The following DNAH1 variants were observed in gnomAD, a reference collection of about 807,000 sequenced individuals.
DNAH1 encodes the protein axonemal beta dynein heavy chain 1.
Under a neutral mutation model 484.3 loss-of-function variants are expected in DNAH1, and 327 were observed. That is an observed-to-expected ratio of 0.68 (90% CI 0.62 to 0.74). The LOEUF (loss-of-function observed/expected upper bound fraction) is 0.74. DNAH1 is among the 30% of genes least tolerant of loss of function. DNAH1 has a pLI of 0.00. For synonymous variants in DNAH1, 2,192 were observed against 2,191.9 expected, an observed-to-expected ratio of 1.00 and a Z score of 0.00; for missense variants, 5,052 against 5,546.8, an observed-to-expected ratio of 0.91 and a Z score of 2.83.
rs761126276 is a variant in DNAH1 at position 52,368,887 on chromosome 3, T to A, written c.5912T>A (p.Leu1971His). 6.2e-7 allele frequency: 1 copy of A among 1,613,986 alleles called. No homozygotes were observed. Among genetic ancestry groups the A allele is most frequent in the Non-Finnish European group, 8.5e-7 (1 of 1,179,886 alleles). Residue 1971 changes from leucine (L) to histidine (H), a missense_variant, in exon 37 of 78, where the codon CTC becomes CAC. By Grantham distance (99) the Leu-to-His change is moderately conservative. Coordinates refer to ENST00000420323, the MANE Select transcript of DNAH1 (RefSeq NM_015512.5). This position sits in a 1 kb window ranked among gnomAD's most constrained non-coding sequence, Gnocchi z 4.4. ...CTGGATGACAACAAGAAGCTGTGCC[T>A]CAGCTCTGGGGAGATCATCAAGCTC... ...TVLDDNKKLC[L>H]SSGEIIKLTE...
chr3:52,375,828 A>G, intron 45 of DNAH1, 127 bp from the exon 46 acceptor site: 1 of 1,097,406 alleles, frequency 9.1e-7, no homozygotes, highest in Non-Finnish European at 1.4e-6. Context: ...AGTGTCTCTG[A>G]GCCTTTATGG....
chr3:52,338,003 A>T (rs1701795445), intron 8 of DNAH1, among the ~76,000 whole-genome samples: 1 of 152,042 alleles, frequency 6.6e-6, no homozygotes, highest in Non-Finnish European at 1.5e-5. Context: ...TATGTTGCCC[A>T]GCCTGGTCTC....
intron 1 of DNAH1, among the ~76,000 whole-genome samples, chr3:52,318,708 A>G (rs1001883457): frequency 5.9e-5 from 9 of 152,194 alleles, no homozygotes; most frequent in African/African-American, 2.2e-4. Context: ...GGTACACTGG[A>G]GGGGAAAGAC....
At chr3:52,373,506 A>G in intron 44 of DNAH1, 5 of 1,460,736 alleles carry the variant, frequency 3.4e-6, no homozygotes, top group Non-Finnish European at 4.7e-6. Context: ...CGTCAGGAAA[A>G]ACAGCCTTGT....
chr3:52,353,728 C>T lies in DNAH1; in HGVS notation c.3480+95C>T. ...CAACCACAGCCACTTGGGAGGATGA[C>T]AGTAATAAGCCCCATCCCTGGGGTC... On this transcript the variant is annotated intron_variant, in intron 20 of 77. Transcript: ENST00000420323. The surrounding 1 kb of genome is among the most constrained non-coding windows in gnomAD (Gnocchi z 5.0). 1 of 1,509,190 alleles carries T rather than the reference C, an allele frequency of 6.6e-7. No homozygotes were observed. The highest frequency in any genetic ancestry group is 8.9e-7 in the Non-Finnish European group (1 of 1,122,778). 93.5% of individuals were successfully genotyped at this position (1,509,190 alleles called of 1,614,324 possible). A position where few individuals can be genotyped will look rare whatever the true frequency, so the allele number is the denominator to read the frequency against.
Position 52,360,346 on chromosome 3 carries a change from C to T in DNAH1, c.4607C>T (p.Ala1536Val). The T allele has an allele frequency of 3.7e-6, 6 of 1,613,994 alleles. No individual in the cohort carries two copies. The highest frequency in any genetic ancestry group is 4.2e-6 in the Non-Finnish European group (5 of 1,179,864). The change falls in exon 28 of 78, where the codon GCT (alanine) becomes GTT (valine). Residue 1536 changes from alanine to valine, a missense_variant. Coordinates refer to ENST00000420323, the MANE Select transcript of DNAH1 (RefSeq NM_015512.5). ...ACAAATAATGACCTGTATATCCGTGCTGTGAATGCTGAGTTCATCTATGGC... is the reference window on the plus strand; with the variant it reads ...ACAAATAATGACCTGTATATCCGTGTTGTGAATGCTGAGTTCATCTATGGC... ...YWTNNDLYIR[A>V]VNAEFIYGYE...
rs755686546 is a variant in DNAH1 at position 52,373,027 on chromosome 3, G to A, written c.6959G>A (p.Gly2320Asp). Residue 2320 changes from glycine to aspartate, a missense_variant, in exon 44 of 78, where the codon GGC (glycine) becomes GAC (aspartate). By Grantham distance (94) the Gly-to-Asp change is moderately conservative. Coordinates refer to ENST00000420323, the MANE Select transcript of DNAH1 (RefSeq NM_015512.5). Reference protein sequence around the residue: ...IELLRQWMDHGGWYDRKIIGA... With the variant: ...IELLRQWMDHDGWYDRKIIGA... ...CTGTTGCGCCAGTGGATGGACCACGGCGGCTGGTACGACCGCAAGATCATT... is the reference window on the plus strand; with the variant it reads ...CTGTTGCGCCAGTGGATGGACCACGACGGCTGGTACGACCGCAAGATCATT... The A allele has an allele frequency of 6.2e-7, 1 of 1,612,920 alleles. No homozygotes were observed.
intron 3 of DNAH1, among the ~76,000 whole-genome samples, chr3:52,324,350 G>A (rs1269566046): frequency 6.6e-6 from 1 of 152,214 alleles, no homozygotes; most frequent in East Asian, 1.9e-4. Flanking sequence ...GAGTCTCAGA[G>A]CACAGCTAGG....
Position 52,383,910 on chromosome 3 carries a change from T to G in DNAH1, c.8201T>G (p.Val2734Gly). ...CGTCTGAGGCAGTTTCCCTCCCTGG[T>G]CAACTGCTGTACCATCGACTGGTTT... ...RARLRQFPSL[V>G]NCCTIDWFNE... Residue 2734 changes from valine (V) to glycine (G), a missense_variant, in exon 52 of 78, where the codon GTC (valine) becomes GGC (glycine). Physicochemically the swap from Val to Gly is moderately radical, Grantham distance 109 (BLOSUM62 -3). This residue lies in a region of DNAH1 where 2,929 missense variants were observed against 3,409.4 expected (regional missense o/e 0.86). Transcript: ENST00000420323. 1 of 1,611,780 alleles carries G rather than the reference T, an allele frequency of 6.2e-7. No individual in the cohort carries two copies. The highest frequency in any genetic ancestry group is 8.5e-7 in the Non-Finnish European group (1 of 1,178,412).
At position 52,383,463 on chromosome 3, in the gene DNAH1, C is replaced by T. The variant is rs759999285; in HGVS notation, c.8019C>T (p.Asp2673=). The part of the protein sequence containing the change: ...SGDIPNLYTA[D]EQDQIVSTMR... ...ACATTCCCAATCTGTATACTGCGGA[C>T]GAGCAGGACCAGATCGTCAGCACCA... The change falls in exon 51 of 78, where the codon GAC becomes GAT. Residue 2673 remains aspartate (D), a synonymous_variant. Transcript: ENST00000420323. The T allele has an allele frequency of 8.7e-6, 14 of 1,613,908 alleles. No homozygotes were observed. Among genetic ancestry groups the T allele is most frequent in the African/African-American group, 4.0e-5 (3 of 74,934 alleles).
intron 8 of DNAH1, among the ~76,000 whole-genome samples, chr3:52,339,106 A>G (rs905711549): frequency 6.6e-6 from 1 of 151,858 alleles, no homozygotes; most frequent in Non-Finnish European, 1.5e-5. Context: ...TTCTTCATCA[A>G]GGATTCCATT....
chr3:52,392,828 A>G lies in DNAH1; in HGVS notation c.10279-2A>G. The G allele has an allele frequency of 4.4e-6, 4 of 909,436 alleles. No individual in the cohort carries two copies. The highest frequency in any genetic ancestry group is 6.4e-6 in the Non-Finnish European group (4 of 627,760). 56.3% of individuals were successfully genotyped at this position (909,436 alleles called of 1,614,324 possible). A position where few individuals can be genotyped will look rare whatever the true frequency, so the allele number is the denominator to read the frequency against. On this transcript the variant is annotated splice_acceptor_variant, in intron 64 of 77. Coordinates refer to ENST00000420323, the MANE Select transcript of DNAH1 (RefSeq NM_015512.5). LOFTEE classifies it high-confidence loss of function. ...CCCTCCCCCCACCCACTACACCCAC[A>G]GGCCAAAGTCAGGATTGCAGAGCAG... is the stretch of plus-strand genomic sequence containing the variant.
rs753132213 is a variant in DNAH1 at position 52,331,185 on chromosome 3, C to G, written c.909C>G (p.Cys303Trp). The change falls in exon 7 of 78, where the codon TGC becomes TGG. Residue 303 changes from cysteine (C) to tryptophan (W), a missense_variant. This residue lies in a region of DNAH1 where 1,263 missense variants were observed against 1,218.8 expected (regional missense o/e 1.04). Coordinates refer to ENST00000420323, the MANE Select transcript of DNAH1 (RefSeq NM_015512.5). ...GTCAGAAGCTGAAGTACAAATGGTG[C>G]GAGGTCGGCGTCCTGGACTACGACG... ...PKSQKLKYKW[C>W]EVGVLDYDEE... 2 of 1,603,776 alleles carry G rather than the reference C, an allele frequency of 1.2e-6. No individual in the cohort carries two copies. Among genetic ancestry groups the G allele is most frequent in the Non-Finnish European group, 1.7e-6 (2 of 1,175,126 alleles).
chr3:52,350,093 G>T lies in DNAH1; in HGVS notation c.2631G>T (p.Arg877Ser). The change falls in exon 15 of 78, where the codon AGG becomes AGT. Residue 877 changes from arginine (R) to serine (S), a missense_variant. Physicochemically the swap from Arg to Ser is moderately radical, Grantham distance 110 (BLOSUM62 -1). Transcript: ENST00000420323. ...LREWMKGIPE[R>S]LVGLEERIVK... ...AGTGGATGAAGGGCATCCCGGAGAG[G>T]CTGGTGGGCCTGGAGGTGAGGCAGG... 1 of 1,611,964 alleles carries T rather than the reference G, an allele frequency of 6.2e-7. No homozygotes were observed. Among genetic ancestry groups the T allele is most frequent in the Non-Finnish European group, 8.5e-7 (1 of 1,179,550 alleles).
chr3:52,359,850 T>C, intron 26 of DNAH1, 66 bp from the exon 27 acceptor site: 3 of 1,586,362 alleles, frequency 1.9e-6, no homozygotes. Context: ...GCCCACCCTC[T>C]GTGAAAGGGG....
At chr3:52,369,627 TC>T (rs1703232235) in intron 37 of DNAH1, among the ~76,000 whole-genome samples, 197 bp from the exon 38 acceptor site, 1 of 152,054 alleles carries the variant, frequency 6.6e-6, no homozygotes, top group African/African-American at 2.4e-5. Flanking sequence ...CTTGGGGTCC[TC>T]CTCAGGGCTC....
Position 52,389,582 on chromosome 3 carries a change from G to A in DNAH1, c.9617G>A (p.Trp3206Ter). Reference protein sequence around the residue: ...TLGNPVKIRSWQIAGLPNDTL... With the variant: ...TLGNPVKIRS ...GGGAACCCTGTGAAGATCCGATCGT[G>A]GCAGGTGCCCACCCCAGGGGCAGGA... Residue 3206 changes from tryptophan to a stop codon, truncating the protein, a stop_gained, in exon 60 of 78, where the codon TGG (tryptophan) becomes TAG (stop). Transcript: ENST00000420323. LOFTEE classifies it high-confidence loss of function. The A allele has an allele frequency of 6.7e-7, 1 of 1,487,516 alleles. No individual in the cohort carries two copies. The highest frequency in any genetic ancestry group is 8.9e-7 in the Non-Finnish European group (1 of 1,117,418). 92.1% of individuals were successfully genotyped at this position (1,487,516 alleles called of 1,614,324 possible). A position where few individuals can be genotyped will look rare whatever the true frequency, so the allele number is the denominator to read the frequency against.
intron 27 of DNAH1, 28 bp from the exon 28 acceptor site, chr3:52,360,283 C>G (rs1423832505): frequency 6.3e-7 from 1 of 1,595,844 alleles, no homozygotes. Context: ...TGCCCCATGG[C>G]CAGGCCCTCA....
In DNAH1 at chr3:52,370,920, A is replaced by G. The variant is rs534712985; in HGVS notation, c.6525+95A>G. ...TTATGGCCACACAGGGAGCCGTCAC[A>G]TTGATGGCCACCAGGTCTCAGGCAG... On this transcript the variant is annotated intron_variant, in intron 41 of 77. Transcript: ENST00000420323. 4.0e-5 allele frequency: 48 copies of G among 1,200,136 alleles called. No homozygotes were observed. In the East Asian group the frequency reaches 1.1e-3, roughly 27 times the overall value. The allele number at this position is 1,200,136 out of a possible 1,614,324, so 74.3% of individuals were successfully genotyped here. A position where few individuals can be genotyped will look rare whatever the true frequency, so the allele number is the denominator to read the frequency against.
Sources: gnomAD v4.1 joint callset for allele counts (sites outside exome capture counted in the v4.1 genomes callset) on GRCh38, gnomAD v4.1.1 for gene constraint, gnomAD v4.1.1 regional missense constraint, Gnocchi (gnomAD v3.1) non-coding constraint, MANE v1.5 for transcripts, NCBI Gene and HGNC (gene_info 2026-07-23, HGNC 2026-07-21) for gene names.